Variants in TOM1L2 observed in about 807,000 individuals in gnomAD.
The protein encoded by TOM1L2 is TOM1-like protein 2.
Under a neutral mutation model 67.9 loss-of-function variants are expected in TOM1L2, and 31 were observed. That is an observed-to-expected ratio of 0.46 (90% CI 0.34 to 0.62). TOM1L2 has a LOEUF of 0.62. TOM1L2 is among the 20% of genes least tolerant of loss of function. The probability of loss-of-function intolerance (pLI) is 0.01; values close to 1 mark genes in which losing one functional copy is unlikely to be tolerated. For missense variants in TOM1L2, 606 were observed against 663.5 expected (o/e 0.91, Z 0.95); for synonymous variants, 256 against 254.0 (o/e 1.01, Z -0.07).
intron 4 of TOM1L2, among the ~76,000 whole-genome samples, chr17:17,892,692 T>C (rs1242080657): frequency 6.7e-6 from 1 of 148,228 alleles, no homozygotes; most frequent in African/African-American, 2.5e-5. Flanking sequence ...TGTCCACAAA[T>C]TATTTGATCC....
intron 1 of TOM1L2, among the ~76,000 whole-genome samples, chr17:17,971,940 C>T (rs1237143655): frequency 1.3e-5 from 2 of 151,702 alleles, no homozygotes; most frequent in Non-Finnish European, 2.9e-5. Flanking sequence ...CGGCACCCGG[C>T]GAAGGCCCAG....
intron 12 of TOM1L2, among the ~76,000 whole-genome samples, chr17:17,860,979 T>C (rs1207464098): frequency 6.6e-6 from 1 of 152,232 alleles, no homozygotes; most frequent in Non-Finnish European, 1.5e-5. Context: ...GGTACTGCTC[T>C]GCTAGGCCAG....
intron 1 of TOM1L2, among the ~76,000 whole-genome samples, chr17:17,951,690 C>T (rs1456740823): frequency 6.6e-6 from 1 of 152,190 alleles, no homozygotes. Flanking sequence ...GCAGGAGGAA[C>T]GAGTCTGGGC....
At chr17:17,901,102 T>G (rs944112819) in intron 2 of TOM1L2, among the ~76,000 whole-genome samples, 6 of 152,152 alleles carry the variant, frequency 3.9e-5, no homozygotes, top group Non-Finnish European at 7.3e-5. Flanking sequence ...AGGTTTAAAA[T>G]GAAAATTCAT....
Position 17,850,963 on chromosome 17 carries a change from G to A in TOM1L2, c.1279-11C>T, listed in dbSNP as rs778991720. ...CTGCGCAACGGGGATCTATGGAGGC[G>A]GCAAGCAGCGGGCCAGGCAGCCCCC... On this transcript the variant is annotated splice_polypyrimidine_tract_variant and intron_variant, in intron 12 of 14. Transcript: ENST00000379504. 17 of 1,613,590 alleles carry A rather than the reference G, an allele frequency of 1.1e-5. No individual in the cohort carries two copies. Among genetic ancestry groups the A allele is most frequent in the East Asian group, 6.7e-5 (3 of 44,888 alleles).
intron 2 of TOM1L2, among the ~76,000 whole-genome samples, chr17:17,903,859 A>T (rs981649661): frequency 6.6e-6 from 1 of 151,958 alleles, no homozygotes; most frequent in Non-Finnish European, 1.5e-5. Context: ...GAATGACGGG[A>T]TCTACTTAGT....
intron 12 of TOM1L2, among the ~76,000 whole-genome samples, chr17:17,860,522 C>A (rs535160389): frequency 1.3e-5 from 2 of 152,304 alleles, no homozygotes; most frequent in South Asian, 2.1e-4. Flanking sequence ...CCTGCCTGGG[C>A]CCATTGGACA....
chr17:17,963,619 A>G (rs1383170060), intron 1 of TOM1L2, among the ~76,000 whole-genome samples: 1 of 152,242 alleles, frequency 6.6e-6, no homozygotes. Context: ...TGCCTGGCAC[A>G]TGGTGAGGGG....
In TOM1L2 at chr17:17,847,346, C is replaced by T. The variant is rs573340585; in HGVS notation, c.*289G>A. 7.6e-5 allele frequency: 35 copies of T among 457,770 alleles called. No homozygotes were observed. The Middle Eastern group carries it at 4.2e-3, about 55-fold the overall frequency. The allele number at this position is 457,770 out of a possible 1,614,324, so 28.4% of individuals were successfully genotyped here. Reference sequence around the variant, plus strand: ...CGGGTGGTCTGCTCAGGAAGCACTGCCTGGGGCTGGGCCACTCTGCCCGCT... The same window carrying T: ...CGGGTGGTCTGCTCAGGAAGCACTGTCTGGGGCTGGGCCACTCTGCCCGCT... On this transcript the variant is annotated 3_prime_UTR_variant, in exon 15 of 15. Coordinates refer to ENST00000379504, the MANE Select transcript of TOM1L2 (RefSeq NM_001082968.2).
In TOM1L2 at chr17:17,862,751, G is replaced by A; in HGVS notation, c.1182C>T (p.Ser394=). 1 of 1,613,716 alleles carries A rather than the reference G, an allele frequency of 6.2e-7. No homozygotes were observed. The highest frequency in any genetic ancestry group is 8.5e-7 in the Non-Finnish European group (1 of 1,180,024). Residue 394 remains serine (S), a synonymous_variant, in exon 11 of 15, where the codon TCC becomes TCT. Transcript: ENST00000379504. The part of the protein sequence containing the change: ...FDMFAQTRGN[S]LAEQRKTVTY... Reference sequence around the variant, plus strand: ...CATACGTCTTGCGCTGCTCAGCCAAGGAGTTTCCTCTCGTCTGGGCAAACA... The same window carrying A: ...CATACGTCTTGCGCTGCTCAGCCAAAGAGTTTCCTCTCGTCTGGGCAAACA...
intron 1 of TOM1L2, among the ~76,000 whole-genome samples, chr17:17,907,833 G>C (rs1169881474): frequency 2.6e-5 from 4 of 152,202 alleles, no homozygotes; most frequent in East Asian, 1.9e-4. Context: ...GTAGAGTCTG[G>C]AGCCAAACTA....
At chr17:17,887,709 C>A (rs2038070202) in intron 4 of TOM1L2, among the ~76,000 whole-genome samples, 1 of 152,164 alleles carries the variant, frequency 6.6e-6, no homozygotes, top group African/African-American at 2.4e-5. Context: ...CTCCTGGACT[C>A]AAGGGATTCA....
intron 3 of TOM1L2, among the ~76,000 whole-genome samples, chr17:17,897,791 TCA>T (rs2038645399): frequency 6.6e-6 from 1 of 152,188 alleles, no homozygotes; most frequent in Non-Finnish European, 1.5e-5. Flanking sequence ...TCTCTGAGCC[TCA>T]GTTTCATCAT....
rs550056805 is a variant in TOM1L2, at chr17:17,878,226, T to C, written c.777+1401A>G. Among the ~76,000 whole-genome samples the C allele has an allele frequency of 2.6e-5, 4 of 152,350 alleles. No homozygotes were observed. The East Asian group carries it at 7.7e-4, about 29-fold the overall frequency. ...AGTGTGGCACATATTCAGCTGGATC[T>C]GCTGAGCTGAGGCAAGCCTGGGCTG... is the stretch of plus-strand genomic sequence containing the variant. On this transcript the variant is annotated intron_variant, in intron 7 of 14. Transcript: ENST00000379504.
chr17:17,892,347 C>A (rs969483459), intron 4 of TOM1L2, among the ~76,000 whole-genome samples: 1 of 152,202 alleles, frequency 6.6e-6, no homozygotes, highest in Non-Finnish European at 1.5e-5. Flanking sequence ...TGGAGCCCCA[C>A]GCCCAGCCCT....
At chr17:17,964,733 G>A (rs572975322) in intron 1 of TOM1L2, among the ~76,000 whole-genome samples, 9 of 152,100 alleles carry the variant, frequency 5.9e-5, no homozygotes, top group East Asian at 1.9e-4. Flanking sequence ...CAGCCTGGGC[G>A]ACAAAGCAAG....
chr17:17,941,319 C>T (rs1430364211), intron 1 of TOM1L2, among the ~76,000 whole-genome samples: 1 of 152,000 alleles, frequency 6.6e-6, no homozygotes, highest in Non-Finnish European at 1.5e-5. Context: ...GAGGACTGGT[C>T]GCAGTCCAAG....
intron 1 of TOM1L2, among the ~76,000 whole-genome samples, chr17:17,956,730 C>T (rs1245557497): frequency 1.3e-5 from 2 of 152,228 alleles, no homozygotes; most frequent in African/African-American, 4.8e-5. Flanking sequence ...AGCTGCTGGC[C>T]TGGATGCTAA....
Position 17,848,871 on chromosome 17 carries a change from G to A in TOM1L2, c.1339-12C>T. ...AGATCATCACCCTTCTGTGGGAGGA[G>A]CAGAGAAAATGAAATTAGGGCACTG... On this transcript the variant is annotated splice_polypyrimidine_tract_variant and intron_variant, in intron 13 of 14. Transcript: ENST00000379504. 1 of 1,614,130 alleles carries A rather than the reference G, an allele frequency of 6.2e-7. No individual in the cohort carries two copies. Among genetic ancestry groups the A allele is most frequent in the Non-Finnish European group, 8.5e-7 (1 of 1,180,000 alleles).
Sources: gnomAD v4.1 joint callset for allele counts (sites outside exome capture counted in the v4.1 genomes callset) on GRCh38, gnomAD v4.1.1 for gene constraint, MANE v1.5 for transcripts, NCBI Gene and HGNC (gene_info 2026-07-23, HGNC 2026-07-21) for gene names.